The following ALOX5 variants were observed in gnomAD, a reference collection of about 807,000 sequenced individuals.
ALOX5 encodes polyunsaturated fatty acid 5-lipoxygenase.
In ALOX5, 64 loss-of-function variants were observed where a neutral mutation model predicts 87.9. The observed-to-expected ratio is 0.73, with a 90% CI of 0.60 to 0.90. The LOEUF is 0.90. Ranked by LOEUF, ALOX5 falls within the 40% of genes least tolerant of loss-of-function variation. The pLI is 0.00. For synonymous variants in ALOX5, 388 were observed against 355.1 expected (o/e 1.09, Z -1.04); for missense variants, 822 against 907.5 (o/e 0.91, Z 1.21).
chr10:45,445,398 CT>C, intron 13 of ALOX5, 109 bp from the exon 14 acceptor site: 1 of 1,319,142 alleles, frequency 7.6e-7, no homozygotes, highest in South Asian at 1.4e-5. Flanking sequence ...TGAATAGATG[CT>C]CCCTCCTTCA....
In ALOX5 at chr10:45,444,296, G is replaced by A. The variant is rs1448221001; in HGVS notation, c.1845+10G>A. 1 of 1,545,684 alleles carries A rather than the reference G, an allele frequency of 6.5e-7. No homozygotes were observed. Among genetic ancestry groups the A allele is most frequent in the South Asian group, 1.2e-5 (1 of 83,744 alleles). On this transcript the variant is annotated intron_variant, in intron 13 of 13. Transcript: ENST00000374391. ...GTTCCAGGAAAACGAGGTGAAGCTG[G>A]GCAGGGCGGGGCACAGCCCCAGGTC...
At chr10:45,414,265 G>A in intron 4 of ALOX5, among the ~76,000 whole-genome samples, 1 of 152,010 alleles carries the variant, frequency 6.6e-6, no homozygotes, top group African/African-American at 2.4e-5. Context: ...ACAGAACAGA[G>A]CCCTCAGAAA....
At chr10:45,393,843 C>A (rs1008493982) in intron 2 of ALOX5, among the ~76,000 whole-genome samples, 14 of 152,182 alleles carry the variant, frequency 9.2e-5, no homozygotes, top group Admixed American at 2.6e-4. Context: ...CAGGAGTGAA[C>A]TCCCATTCAC....
rs1281338859 is a variant in ALOX5, at chr10:45,444,143, G to A, written c.1702G>A (p.Ala568Thr). ...QYDWCSWIPN[A>T]PPTMRAPPPT... is the part of the protein sequence containing the mutation. ...CGACTGGTGCTCCTGGATCCCCAAT[G>A]CGCCCCCAACCATGCGAGCCCCGCC... is the stretch of plus-strand genomic sequence containing the variant. The change falls in exon 13 of 14, where the codon GCG becomes ACG. Residue 568 changes from alanine (A) to threonine (T), a missense_variant. By Grantham distance (58) the Ala-to-Thr change is moderately conservative. Transcript: ENST00000374391. 9 of 1,549,954 alleles carry A rather than the reference G, an allele frequency of 5.8e-6. No individual in the cohort carries two copies. The highest frequency in any genetic ancestry group is 7.9e-6 in the Non-Finnish European group (9 of 1,146,220).
At chr10:45,436,925 G>T (rs540148775) in intron 7 of ALOX5, among the ~76,000 whole-genome samples, 1 of 152,126 alleles carries the variant, frequency 6.6e-6, no homozygotes, top group South Asian at 2.1e-4. Flanking sequence ...TCTCTGTAGA[G>T]CTCTTTCACC....
intron 7 of ALOX5, among the ~76,000 whole-genome samples, chr10:45,436,909 T>C (rs1842076788): frequency 6.6e-6 from 1 of 152,246 alleles, no homozygotes; most frequent in Non-Finnish European, 1.5e-5. Flanking sequence ...CAGTGTTTTA[T>C]AGTTCTCTCT....
At chr10:45,382,410 A>G (rs1400336538) in intron 1 of ALOX5, 73 bp from the exon 2 acceptor site, 1 of 1,546,292 alleles carries the variant, frequency 6.5e-7, no homozygotes, top group African/African-American at 1.4e-5. Context: ...CCTTGGGGTG[A>G]CAAATTCTTA....
intron 1 of ALOX5, among the ~76,000 whole-genome samples, chr10:45,381,987 G>A (rs913498149): frequency 6.6e-6 from 1 of 152,240 alleles, no homozygotes; most frequent in Non-Finnish European, 1.5e-5. Flanking sequence ...ATTCATGGGC[G>A]AAAGCCTACA....
intron 4 of ALOX5, among the ~76,000 whole-genome samples, chr10:45,422,497 C>T (rs965155223): frequency 2.0e-5 from 3 of 152,178 alleles, no homozygotes; most frequent in Non-Finnish European, 4.4e-5. Flanking sequence ...GGCACAGTCC[C>T]CTGCACCAGG....
chr10:45,381,187 T>C (rs943863221), intron 1 of ALOX5, among the ~76,000 whole-genome samples: 1 of 152,138 alleles, frequency 6.6e-6, no homozygotes, highest in Admixed American at 6.5e-5. Context: ...GCAGCTGCGC[T>C]GTACACAGCC....
At chr10:45,441,250 A>G (rs41502051) in intron 8 of ALOX5, 94 bp from the exon 9 acceptor site, 43,752 of 1,081,786 alleles carry the variant, frequency 0.04, 1,083 homozygotes, top group Non-Finnish European at 0.05. Context: ...GCATCATCCT[A>G]TAGGGCAGGC....
chr10:45,395,740 C>T (rs941919970), intron 2 of ALOX5, 115 bp from the exon 3 acceptor site: 2 of 809,970 alleles, frequency 2.5e-6, no homozygotes, highest in African/African-American at 3.4e-5. Flanking sequence ...CAAATGAGGT[C>T]ATGCACATAA....
At chr10:45,411,988 G>A (rs574108625) in intron 3 of ALOX5, among the ~76,000 whole-genome samples, 4 of 152,204 alleles carry the variant, frequency 2.6e-5, no homozygotes, top group Non-Finnish European at 2.9e-5. Context: ...GATGCTCAGG[G>A]CACAGCAAAG....
At chr10:45,388,768 T>A (rs1359717098) in intron 2 of ALOX5, among the ~76,000 whole-genome samples, 37 of 152,190 alleles carry the variant, frequency 2.4e-4, no homozygotes, top group Admixed American at 2.4e-3. Flanking sequence ...AGCTGAACAT[T>A]CTACAAATCA....
At position 45,382,465 on chromosome 10, in the gene ALOX5, G is replaced by A. The variant is rs2132677015; in HGVS notation, c.151-18G>A. The A allele has an allele frequency of 6.2e-7, 1 of 1,614,094 alleles. No individual in the cohort carries two copies. The highest frequency in any genetic ancestry group is 8.5e-7 in the Non-Finnish European group (1 of 1,179,976). The stretch of plus-strand genomic sequence containing the variant: ...TCAGGAGACCACGCATGGCCTGATT[G>A]CCTGTTCTCCTTCCCAGGTGGATTC... On this transcript the variant is annotated intron_variant, in intron 1 of 13. Coordinates refer to ENST00000374391, the MANE Select transcript of ALOX5 (RefSeq NM_000698.5).
chr10:45,396,180 G>A (rs1024473055), intron 3 of ALOX5, among the ~76,000 whole-genome samples: 3 of 152,214 alleles, frequency 2.0e-5, no homozygotes, highest in African/African-American at 7.2e-5. Context: ...TAGGAAGAAT[G>A]GGCAGAAAAG....
chr10:45,426,827 C>T (rs1841721473), intron 6 of ALOX5, among the ~76,000 whole-genome samples: 1 of 152,146 alleles, frequency 6.6e-6, no homozygotes, highest in African/African-American at 2.4e-5. Flanking sequence ...GGAGGGTTTC[C>T]TTATGTGGAG....
chr10:45,400,845 G>A (rs762176990), intron 3 of ALOX5, among the ~76,000 whole-genome samples: 4 of 152,054 alleles, frequency 2.6e-5, no homozygotes, highest in Non-Finnish European at 5.9e-5. Context: ...GTCCTCTGGG[G>A]ATGAGATTAT....
chr10:45,379,129 C>A (rs1290867003), intron 1 of ALOX5, among the ~76,000 whole-genome samples: 1 of 152,154 alleles, frequency 6.6e-6, no homozygotes, highest in Non-Finnish European at 1.5e-5. Flanking sequence ...CGGGCCCTCC[C>A]TGTGGGACCT....
Sources: gnomAD v4.1 joint callset for allele counts (sites outside exome capture counted in the v4.1 genomes callset) on GRCh38, gnomAD v4.1.1 for gene constraint, MANE v1.5 for transcripts, NCBI Gene and HGNC (gene_info 2026-07-23, HGNC 2026-07-21) for gene names.